The following SH3BGRL2 variants were observed in gnomAD, a reference collection of about 807,000 sequenced individuals.
SH3BGRL2 encodes SH3 domain-binding glutamic acid-rich-like protein 2.
SH3BGRL2 carries 21 observed loss-of-function variants against 14.8 expected under a neutral mutation model. That is an observed-to-expected ratio of 1.42 (90% CI 1.01 to 2.05). SH3BGRL2 has a LOEUF of 2.05. SH3BGRL2 is among the 30% of genes most tolerant of loss of function. The probability of loss-of-function intolerance (pLI) is 0.00; values close to 1 mark genes in which losing one functional copy is unlikely to be tolerated. For synonymous variants in SH3BGRL2, 50 were observed against 47.8 expected (o/e 1.05, Z -0.19); for missense variants, 147 against 130.8 (o/e 1.12, Z -0.61).
chr6:79,657,822 C>A (rs749322890), intron 1 of SH3BGRL2, among the ~76,000 whole-genome samples: 9 of 151,908 alleles, frequency 5.9e-5, no homozygotes, highest in Non-Finnish European at 1.3e-4. Flanking sequence ...CTAGTATTAT[C>A]CTACTTAGCC....
At chr6:79,687,757 A>C (rs1770130779) in intron 2 of SH3BGRL2, among the ~76,000 whole-genome samples, 1 of 152,238 alleles carries the variant, frequency 6.6e-6, no homozygotes, top group Non-Finnish European at 1.5e-5. Context: ...TTTTTAAAAA[A>C]TATTCTTCTT....
chr6:79,674,100 A>G (rs987919819), intron 2 of SH3BGRL2, among the ~76,000 whole-genome samples: 5 of 151,978 alleles, frequency 3.3e-5, no homozygotes, highest in African/African-American at 1.2e-4. Flanking sequence ...GTGTGTATGT[A>G]TGTATGTATG....
the SH3BGRL2 span, among the ~76,000 whole-genome samples, chr6:79,592,366 A>G: frequency 6.6e-6 from 1 of 152,194 alleles, no homozygotes; most frequent in Non-Finnish European, 1.5e-5. Context: ...CCTGTATTCA[A>G]AAAGCTCACA....
chr6:79,652,412 G>C (rs1184128552), intron 1 of SH3BGRL2, among the ~76,000 whole-genome samples: 1 of 152,146 alleles, frequency 6.6e-6, no homozygotes, highest in Non-Finnish European at 1.5e-5. Context: ...TTAGTTTCTT[G>C]TTTTATAAAA....
chr6:79,691,961 C>T (rs1299606502), intron 2 of SH3BGRL2, among the ~76,000 whole-genome samples: 2 of 151,922 alleles, frequency 1.3e-5, no homozygotes, highest in African/African-American at 2.4e-5. Flanking sequence ...AACTAGTTTA[C>T]AGTCCCACCA....
intron 1 of SH3BGRL2, among the ~76,000 whole-genome samples, chr6:79,660,919 A>T (rs957861098): frequency 1.3e-5 from 2 of 152,092 alleles, no homozygotes. Flanking sequence ...TTTCTAGTTT[A>T]TTTGTGTAGA....
the SH3BGRL2 span, among the ~76,000 whole-genome samples, chr6:79,625,378 G>A: frequency 6.6e-6 from 1 of 151,912 alleles, no homozygotes; most frequent in Non-Finnish European, 1.5e-5. Context: ...AGACAGAATT[G>A]GCCTGATGAA....
the SH3BGRL2 span, chr6:79,561,456 G>C: frequency 1.3e-5 from 2 of 152,076 alleles, no homozygotes; most frequent in Non-Finnish European, 2.9e-5. Flanking sequence ...TTCAATTACA[G>C]AATAGTTTGT....
At chr6:79,641,592 G>A (rs896023953) in intron 1 of SH3BGRL2, among the ~76,000 whole-genome samples, 2 of 152,154 alleles carry the variant, frequency 1.3e-5, no homozygotes, top group African/African-American at 2.4e-5. Flanking sequence ...AAGTGGGATA[G>A]GAATGGTATT....
intron 2 of SH3BGRL2, among the ~76,000 whole-genome samples, chr6:79,691,337 TG>T (rs1218700595): frequency 6.6e-6 from 1 of 151,020 alleles, no homozygotes; most frequent in African/African-American, 2.5e-5. Context: ...GTTTTGTTTT[TG>T]TTTTTTTTTG....
intron 2 of SH3BGRL2, among the ~76,000 whole-genome samples, chr6:79,678,337 T>C (rs753423526): frequency 2.6e-4 from 40 of 152,160 alleles, no homozygotes; most frequent in Non-Finnish European, 4.3e-4. Flanking sequence ...TTCTACTTTC[T>C]CTATATAAAA....
chr6:79,584,540 C>G, the SH3BGRL2 span, among the ~76,000 whole-genome samples: 8 of 152,088 alleles, frequency 5.3e-5, no homozygotes, highest in African/African-American at 1.9e-4. Context: ...TGATGCTCAC[C>G]AGCACCCCCT....
chr6:79,699,380 A>G, intron 3 of SH3BGRL2, 118 bp from the exon 4 acceptor site: 1 of 1,201,804 alleles, frequency 8.3e-7, no homozygotes, highest in South Asian at 2.1e-5. Flanking sequence ...GTGATCTGTT[A>G]TGATTTCCAA....
intron 3 of SH3BGRL2, among the ~76,000 whole-genome samples, chr6:79,697,691 C>G (rs368887970): frequency 6.6e-6 from 1 of 152,144 alleles, no homozygotes; most frequent in South Asian, 2.1e-4. Flanking sequence ...TTTAAAGGTT[C>G]TTAAAACTGC....
the SH3BGRL2 span, among the ~76,000 whole-genome samples, chr6:79,555,971 AT>A: frequency 6.6e-6 from 1 of 152,214 alleles, no homozygotes; most frequent in East Asian, 1.9e-4. Context: ...AGAAAGAATT[AT>A]TCACTAAATG....
intron 2 of SH3BGRL2, among the ~76,000 whole-genome samples, chr6:79,688,985 T>C (rs751410807): frequency 6.6e-6 from 1 of 152,106 alleles, no homozygotes; most frequent in Non-Finnish European, 1.5e-5. Flanking sequence ...TTAAAACTGG[T>C]AAATAACAGA....
chr6:79,568,428 C>T, the SH3BGRL2 span, among the ~76,000 whole-genome samples: 41 of 152,156 alleles, frequency 2.7e-4, no homozygotes, highest in African/African-American at 8.7e-4. Context: ...CATGTGTCCA[C>T]GTGAATGACT....
the SH3BGRL2 span, among the ~76,000 whole-genome samples, chr6:79,604,751 G>A: frequency 6.6e-6 from 1 of 152,146 alleles, no homozygotes; most frequent in Non-Finnish European, 1.5e-5. Flanking sequence ...TGGAGAGAAG[G>A]CACATCTGAG....
the SH3BGRL2 span, among the ~76,000 whole-genome samples, chr6:79,591,773 A>G: frequency 6.6e-6 from 1 of 152,198 alleles, no homozygotes; most frequent in African/African-American, 2.4e-5. Flanking sequence ...ATTTGAGCAG[A>G]TGTATGTATA....
Sources: allele counts gnomAD v4.1 joint callset (sites outside exome capture counted in the v4.1 genomes callset), GRCh38; gene constraint gnomAD v4.1.1; transcripts MANE v1.5; gene names NCBI Gene and HGNC (gene_info 2026-07-23, HGNC 2026-07-21).